The following VPS37A variants were observed in gnomAD, a reference collection of about 807,000 sequenced individuals.
VPS37A encodes vacuolar protein sorting-associated protein 37A.
A neutral mutation model predicts 49.8 loss-of-function variants in VPS37A; 30 were observed. The observed-to-expected ratio is 0.60, with a 90% CI of 0.45 to 0.82. VPS37A has a LOEUF of 0.82. VPS37A is among the 40% of genes least tolerant of loss of function. The pLI is 0.00. For missense variants in VPS37A, 593 were observed against 464.4 expected, an observed-to-expected ratio of 1.28 and a Z score of -2.55; for synonymous variants, 195 against 160.6, an observed-to-expected ratio of 1.21 and a Z score of -1.62.
chr8:17,298,162 AGTTAT>A (rs529460066), downstream of VPS37A: 176 of 152,190 alleles, frequency 1.2e-3, no homozygotes, highest in African/African-American at 3.8e-3. Flanking sequence ...TTGTGAAGTG[AGTTAT>A]GTTATGTTAT....
chr8:17,300,078 A>C (rs1817011488), downstream of VPS37A: 1 of 1,614,030 alleles, frequency 6.2e-7, no homozygotes. Flanking sequence ...TCCGGGATGG[A>C]AATGATTTCA....
chr8:17,327,822 A>G, the VPS37A span, among the ~76,000 whole-genome samples: 1 of 152,232 alleles, frequency 6.6e-6, no homozygotes, highest in African/African-American at 2.4e-5. Flanking sequence ...TCTAATTACC[A>G]GAGCAAATTT....
the VPS37A span, chr8:17,326,484 T>C: frequency 6.6e-6 from 1 of 152,214 alleles, no homozygotes; most frequent in Non-Finnish European, 1.5e-5. Context: ...GAGCTTGTCT[T>C]ACATCAGAAT....
At chr8:17,315,688 G>A in the VPS37A span, among the ~76,000 whole-genome samples, 1 of 152,026 alleles carries the variant, frequency 6.6e-6, no homozygotes, top group African/African-American at 2.4e-5. Context: ...GGCCACAACT[G>A]CTCCAGATGT....
chr8:17,309,354 GGAGA>G, the VPS37A span: 1 of 1,488,576 alleles, frequency 6.7e-7, no homozygotes, highest in East Asian at 2.3e-5. Context: ...CAAATATCTT[GGAGA>G]GAAGCAAACG....
chr8:17,277,850 T>C (rs1220150870), intron 6 of VPS37A, among the ~76,000 whole-genome samples: 1 of 144,050 alleles, frequency 6.9e-6, no homozygotes. Context: ...CTCCCCAACT[T>C]TTCTCTTTTA....
At chr8:17,274,447 C>G (rs566693877) in intron 4 of VPS37A, among the ~76,000 whole-genome samples, 7 of 152,086 alleles carry the variant, frequency 4.6e-5, no homozygotes, top group Non-Finnish European at 1.0e-4. Context: ...AATGGCCTGT[C>G]TATCCACTTC....
chr8:17,309,386 C>A, the VPS37A span: 1 of 1,154,620 alleles, frequency 8.7e-7, no homozygotes, highest in Non-Finnish European at 1.3e-6. Flanking sequence ...AGAGACCACA[C>A]AACCAATAAT....
At chr8:17,317,264 A>G in the VPS37A span, among the ~76,000 whole-genome samples, 1 of 152,178 alleles carries the variant, frequency 6.6e-6, no homozygotes, top group African/African-American at 2.4e-5. Context: ...TGCCGTGTGC[A>G]TGGGCAGGCT....
the VPS37A span, among the ~76,000 whole-genome samples, chr8:17,312,771 G>A: frequency 6.6e-5 from 10 of 151,964 alleles, no homozygotes; most frequent in African/African-American, 2.2e-4. Flanking sequence ...GGAAGATATG[G>A]TTCTCTTTAG....
downstream of VPS37A, chr8:17,302,053 T>G (rs996419113): frequency 1.2e-5 from 18 of 1,495,488 alleles, no homozygotes; most frequent in Admixed American, 3.6e-5. Flanking sequence ...ACTAAAAATG[T>G]GAAATATTTG....
At chr8:17,248,772 C>G (rs976949575) in intron 1 of VPS37A, among the ~76,000 whole-genome samples, 7 of 152,126 alleles carry the variant, frequency 4.6e-5, no homozygotes, top group African/African-American at 9.7e-5. Flanking sequence ...TTCGTTGTCT[C>G]AATTGTTCTG....
chr8:17,328,371 T>G, the VPS37A span, among the ~76,000 whole-genome samples: 13 of 152,152 alleles, frequency 8.5e-5, no homozygotes, highest in African/African-American at 3.1e-4. Context: ...CTGATAATAA[T>G]AGGCTGGCCT....
chr8:17,265,440 G>T (rs1278848172), intron 1 of VPS37A, among the ~76,000 whole-genome samples: 1 of 152,156 alleles, frequency 6.6e-6, no homozygotes, highest in Non-Finnish European at 1.5e-5. Context: ...TTGGAAAGCA[G>T]CCAGCATCCT....
chr8:17,299,977 T>G (rs2150454024), downstream of VPS37A: 1 of 1,614,152 alleles, frequency 6.2e-7, no homozygotes, highest in Middle Eastern at 1.6e-4. Flanking sequence ...CCCGGACTCT[T>G]GGTCACTGTT....
At chr8:17,274,621 T>C (rs1351203687) in intron 4 of VPS37A, 112 bp from the exon 5 acceptor site, 6 of 687,346 alleles carry the variant, frequency 8.7e-6, no homozygotes, top group Non-Finnish European at 1.4e-5. Flanking sequence ...CCTGCCATTA[T>C]AACATTTCAT....
the VPS37A span, among the ~76,000 whole-genome samples, chr8:17,315,336 G>A: frequency 2.0e-5 from 3 of 152,162 alleles, no homozygotes; most frequent in African/African-American, 7.2e-5. Flanking sequence ...CCAGGGGTTA[G>A]GGTTGTGAGG....
At chr8:17,329,780 T>C in the VPS37A span, among the ~76,000 whole-genome samples, 1 of 152,220 alleles carries the variant, frequency 6.6e-6, no homozygotes, top group Non-Finnish European at 1.5e-5. Flanking sequence ...ACAGCCAAAC[T>C]CTGCATGATA....
intron 6 of VPS37A, among the ~76,000 whole-genome samples, chr8:17,277,645 T>G (rs1814643921): frequency 6.6e-6 from 1 of 152,032 alleles, no homozygotes; most frequent in Non-Finnish European, 1.5e-5. Flanking sequence ...TCTTTCCTTT[T>G]AACCATAACC....
Sources: allele counts gnomAD v4.1 joint callset (sites outside exome capture counted in the v4.1 genomes callset), GRCh38; gene constraint gnomAD v4.1.1; transcripts MANE v1.5; gene names NCBI Gene and HGNC (gene_info 2026-07-23, HGNC 2026-07-21).